EBF2: variants seen among roughly 807,000 people sequenced by gnomAD.
EBF2 encodes EBF transcription factor 2.
Under a neutral mutation model 72.8 loss-of-function variants are expected in EBF2, and 21 were observed. The observed-to-expected ratio is 0.29, with a 90% CI of 0.20 to 0.42. EBF2 has a LOEUF of 0.42. EBF2 is among the 10% of genes least tolerant of loss of function. EBF2 has a pLI of 1.00. For synonymous variants in EBF2, 299 were observed against 274.2 expected (o/e 1.09, Z -0.89); for missense variants, 637 against 731.2 (o/e 0.87, Z 1.49).
chr8:25,937,601 C>T (rs1231389407), intron 6 of EBF2, among the ~76,000 whole-genome samples: 1 of 152,154 alleles, frequency 6.6e-6, no homozygotes, highest in African/African-American at 2.4e-5. Flanking sequence ...TTTCCTTCCT[C>T]ATTTGACTAC....
intron 6 of EBF2, among the ~76,000 whole-genome samples, chr8:26,022,215 C>T (rs1455428391): frequency 2.6e-5 from 4 of 152,194 alleles, no homozygotes; most frequent in African/African-American, 9.6e-5. Flanking sequence ...TACCTTGTCT[C>T]TTATCCCAAC....
intron 6 of EBF2, among the ~76,000 whole-genome samples, chr8:25,921,458 A>T (rs1220149797): frequency 2.0e-5 from 3 of 152,204 alleles, no homozygotes; most frequent in African/African-American, 7.2e-5. Flanking sequence ...GCAGACAATG[A>T]TCACATCGGT....
chr8:26,001,678 AG>A (rs1261929362), intron 6 of EBF2, among the ~76,000 whole-genome samples: 1 of 152,048 alleles, frequency 6.6e-6, no homozygotes, highest in Non-Finnish European at 1.5e-5. Context: ...CCTCCTGAGT[AG>A]CTGGGATTAC....
At chr8:25,942,333 G>C (rs1411137025) in intron 6 of EBF2, among the ~76,000 whole-genome samples, 1 of 152,112 alleles carries the variant, frequency 6.6e-6, no homozygotes, top group African/African-American at 2.4e-5. Flanking sequence ...AGTGTATTTA[G>C]GGCACTTAGA....
At chr8:25,908,414 GAGA>G in intron 7 of EBF2, 57 bp downstream of exon 7, 2 of 1,246,908 alleles carry the variant, frequency 1.6e-6, no homozygotes, top group Non-Finnish European at 2.3e-6. Context: ...TAAAAAGAGT[GAGA>G]AGGAGAGAGA....
rs114658136 is a variant in EBF2 at position 26,027,406 on chromosome 8, A to G, written c.551+5679T>C. On this transcript the variant is annotated intron_variant, in intron 6 of 15. Coordinates refer to ENST00000520164, the MANE Select transcript of EBF2 (RefSeq NM_022659.4). ...GGACCAAAGGTGAAACCAGCAGATG[A>G]CAATACCCACACCAAGATGGTGGAA... 6.7e-3 allele frequency among the ~76,000 whole-genome samples: 1,016 copies of G among 152,204 alleles called. 16 individuals carry two copies. Among genetic ancestry groups the G allele is most frequent in the African/African-American group, 0.023 (976 of 41,534 alleles).
intron 6 of EBF2, among the ~76,000 whole-genome samples, chr8:25,962,082 G>A (rs1458552338): frequency 2.6e-5 from 4 of 152,142 alleles, no homozygotes; most frequent in East Asian, 1.9e-4. Flanking sequence ...GGGCCAGGGA[G>A]GAACGTGCAT....
chr8:25,889,244 GAC>G (rs946129065), intron 8 of EBF2, among the ~76,000 whole-genome samples: 1 of 151,984 alleles, frequency 6.6e-6, no homozygotes, highest in Non-Finnish European at 1.5e-5. Flanking sequence ...TAATTTTTTG[GAC>G]AACTTGAAAT....
rs933602687 is a variant in EBF2, at chr8:25,841,825, A to G, written c.*2784T>C. The G allele has an allele frequency of 2.0e-5, 3 of 152,218 alleles. No homozygotes were observed. Among genetic ancestry groups the G allele is most frequent in the African/African-American group, 7.2e-5 (3 of 41,460 alleles). The allele number at this position is 152,218 out of a possible 1,614,324, so 9.4% of individuals were successfully genotyped here. On this transcript the variant is annotated 3_prime_UTR_variant, in exon 16 of 16. Coordinates refer to ENST00000520164, the MANE Select transcript of EBF2 (RefSeq NM_022659.4). Reference sequence around the variant, plus strand: ...ACAAACAAGATATTCTTTAAGTAAGACCATTAAAAACAGTAAACAAAAAAG... The same window carrying G: ...ACAAACAAGATATTCTTTAAGTAAGGCCATTAAAAACAGTAAACAAAAAAG...
chr8:25,914,407 T>A (rs1047382672), intron 6 of EBF2, among the ~76,000 whole-genome samples: 1 of 152,210 alleles, frequency 6.6e-6, no homozygotes, highest in African/African-American at 2.4e-5. Context: ...GGACCCAGCC[T>A]TGGCCTGGAG....
intron 6 of EBF2, among the ~76,000 whole-genome samples, chr8:25,925,177 A>C (rs1803366640): frequency 6.6e-6 from 1 of 152,178 alleles, no homozygotes; most frequent in South Asian, 2.1e-4. Context: ...CTCAGTCCCG[A>C]GAATATTTTT....
intron 6 of EBF2, among the ~76,000 whole-genome samples, chr8:26,015,042 C>G (rs1046924943): frequency 6.6e-6 from 1 of 152,114 alleles, no homozygotes; most frequent in Non-Finnish European, 1.5e-5. Context: ...TGAACAGGTG[C>G]TGGAATAGAA....
At chr8:25,954,177 G>C (rs1803906367) in intron 6 of EBF2, among the ~76,000 whole-genome samples, 1 of 152,228 alleles carries the variant, frequency 6.6e-6, no homozygotes, top group South Asian at 2.1e-4. Context: ...ATGTGTGGGA[G>C]AGAGAAGGAT....
At chr8:25,970,326 G>A (rs1271767390) in intron 6 of EBF2, among the ~76,000 whole-genome samples, 6 of 152,156 alleles carry the variant, frequency 3.9e-5, no homozygotes, top group Non-Finnish European at 7.3e-5. Context: ...GCCTTCATCT[G>A]CTCCACCTTC....
At position 25,842,315 on chromosome 8, in the gene EBF2, T is replaced by G. The variant is rs1377048676; in HGVS notation, c.*2294A>C. 6.6e-6 allele frequency: 1 copy of G among 152,212 alleles called. No individual in the cohort carries two copies. The highest frequency in any genetic ancestry group is 1.5e-5 in the Non-Finnish European group (1 of 68,046). 9.4% of individuals were successfully genotyped at this position (152,212 alleles called of 1,614,324 possible). A position where few individuals can be genotyped will look rare whatever the true frequency, so the allele number is the denominator to read the frequency against. Reference sequence around the variant, plus strand: ...TGCTGCCAGGGTTCTAGCTGAATGGTCAAGATGTCTGGTATTTAGTTACAC... The same window carrying G: ...TGCTGCCAGGGTTCTAGCTGAATGGGCAAGATGTCTGGTATTTAGTTACAC... On this transcript the variant is annotated 3_prime_UTR_variant, in exon 16 of 16. Transcript: ENST00000520164.
chr8:25,969,204 T>A (rs1296077299), intron 6 of EBF2, among the ~76,000 whole-genome samples: 2 of 152,216 alleles, frequency 1.3e-5, no homozygotes, highest in Non-Finnish European at 2.9e-5. Context: ...CAGTTCTGTG[T>A]AATGACAAAC....
chr8:25,864,479 C>G lies in EBF2; in HGVS notation c.1010-1682G>C, dbSNP rs571082798. ...ATGTATAGAAAAACCACCTCTATTC[C>G]AAGAACTGGTAGATACACACAAACA... On this transcript the variant is annotated intron_variant, in intron 10 of 15. Transcript: ENST00000520164. 3.8e-5 allele frequency among the ~76,000 whole-genome samples: 5 copies of G among 130,194 alleles called. No homozygotes were observed. In the East Asian group the frequency reaches 1.0e-3, roughly 27 times the overall value. 85.4% of individuals were successfully genotyped at this position (130,194 alleles called of 152,430 possible).
At chr8:25,883,359 C>A (rs560504109) in intron 10 of EBF2, among the ~76,000 whole-genome samples, 130 of 152,150 alleles carry the variant, frequency 8.5e-4, no homozygotes, top group African/African-American at 3.0e-3. Context: ...CCCCTATAAC[C>A]CTTTTTTATT....
chr8:25,958,532 A>G (rs540139481), intron 6 of EBF2, among the ~76,000 whole-genome samples: 8 of 152,222 alleles, frequency 5.3e-5, no homozygotes, highest in Admixed American at 2.0e-4. Flanking sequence ...GCAGTTTCAA[A>G]TTCCAGCTTT....
Sources: allele counts gnomAD v4.1 joint callset (sites outside exome capture counted in the v4.1 genomes callset), GRCh38; gene constraint gnomAD v4.1.1; transcripts MANE v1.5; gene names NCBI Gene and HGNC (gene_info 2026-07-23, HGNC 2026-07-21).